ANKS1B: variants seen among roughly 807,000 people sequenced by gnomAD.
ANKS1B encodes the protein ankyrin repeat and sterile alpha motif domain containing 1B, also known as ankyrin repeat and sterile alpha motif domain-containing protein 1B.
ANKS1B carries 36 observed loss-of-function variants against 148.3 expected under a neutral mutation model. The observed-to-expected ratio is 0.24, with a 90% CI of 0.19 to 0.32. The LOEUF (loss-of-function observed/expected upper bound fraction) is 0.32. Among genes scored for constraint, ANKS1B ranks in the 10% least tolerant of loss-of-function variants. ANKS1B has a pLI of 1.00. For missense variants in ANKS1B, 1,157 were observed against 1,542.6 expected (o/e 0.75, Z 4.19); for synonymous variants, 542 against 560.8 (o/e 0.97, Z 0.47).
intron 1 of ANKS1B, among the ~76,000 whole-genome samples, chr12:99,948,848 T>A (rs761872755): frequency 6.6e-6 from 1 of 152,210 alleles, no homozygotes; most frequent in African/African-American, 2.4e-5. Flanking sequence ...ACTGTAAATA[T>A]GTCATTCTTA....
At chr12:99,752,406 A>G (rs2061190338) in intron 8 of ANKS1B, among the ~76,000 whole-genome samples, 2 of 151,982 alleles carry the variant, frequency 1.3e-5, no homozygotes, top group Non-Finnish European at 1.5e-5. Context: ...CAAGCTCCAT[A>G]AAACATGGAA....
chr12:99,893,190 C>A (rs992153501), intron 1 of ANKS1B, among the ~76,000 whole-genome samples: 4 of 152,052 alleles, frequency 2.6e-5, no homozygotes, highest in African/African-American at 9.7e-5. Context: ...GCGGGCAGAT[C>A]ACAAGGTCAG....
intron 1 of ANKS1B, among the ~76,000 whole-genome samples, chr12:99,854,104 T>C (rs893472396): frequency 6.6e-6 from 1 of 152,170 alleles, no homozygotes; most frequent in Non-Finnish European, 1.5e-5. Context: ...CTCCGCCTCC[T>C]GGGTTCACGC....
Position 99,111,548 on chromosome 12 carries a change from A to G in ANKS1B, c.2527-26525T>C, listed in dbSNP as rs1224583926. Among the ~76,000 whole-genome samples, 5 of 151,344 alleles carry G rather than the reference A, an allele frequency of 3.3e-5. No individual in the cohort carries two copies. In the South Asian group the frequency reaches 8.3e-4, roughly 25 times the overall value. ...GTATTTTAAGGTGTTTTTTTTTTTCATAGCCAATACCTAAATGCCACCTTC... is the reference window on the plus strand; with the variant it reads ...GTATTTTAAGGTGTTTTTTTTTTTCGTAGCCAATACCTAAATGCCACCTTC... On this transcript the variant is annotated intron_variant, in intron 15 of 26. Coordinates refer to ENST00000683438, the MANE Select transcript of ANKS1B (RefSeq NM_001352186.2).
chr12:99,601,713 AG>A (rs2097801616), intron 9 of ANKS1B, among the ~76,000 whole-genome samples: 3 of 152,250 alleles, frequency 2.0e-5, no homozygotes, highest in South Asian at 4.2e-4. Flanking sequence ...CAGAGACCCA[AG>A]GGACAACTGT....
chr12:99,430,252 G>A (rs7135282), intron 11 of ANKS1B, among the ~76,000 whole-genome samples: 1,754 of 152,240 alleles, frequency 0.012, 40 homozygotes, highest in African/African-American at 0.037. Flanking sequence ...CAGTAATCAA[G>A]TCAAAAGAAT....
chr12:98,909,827 T>C (rs1256085154), intron 17 of ANKS1B, among the ~76,000 whole-genome samples: 2 of 152,230 alleles, frequency 1.3e-5, no homozygotes, highest in African/African-American at 4.8e-5. Flanking sequence ...TGGTTCTTCA[T>C]TCAGCCAAGT....
chr12:99,971,654 A>C (rs1261697953), intron 1 of ANKS1B, among the ~76,000 whole-genome samples: 2 of 152,126 alleles, frequency 1.3e-5, no homozygotes, highest in East Asian at 3.8e-4. Context: ...ATACTAATTG[A>C]GATCCAGGTA....
intron 4 of ANKS1B, among the ~76,000 whole-genome samples, chr12:99,789,630 A>G (rs2065398266): frequency 6.6e-6 from 1 of 152,196 alleles, no homozygotes; most frequent in Non-Finnish European, 1.5e-5. Context: ...AAAAGAATCA[A>G]GCAAAAGTTC....
chr12:99,159,856 A>C (rs1306093966), intron 14 of ANKS1B, among the ~76,000 whole-genome samples: 1 of 152,202 alleles, frequency 6.6e-6, no homozygotes, highest in Non-Finnish European at 1.5e-5. Flanking sequence ...ACAGTGTATA[A>C]GTGTCCCTTT....
intron 14 of ANKS1B, among the ~76,000 whole-genome samples, chr12:99,218,569 C>A (rs1246337391): frequency 6.6e-6 from 1 of 152,124 alleles, no homozygotes; most frequent in African/African-American, 2.4e-5. Flanking sequence ...GTCCCCAACC[C>A]CCTGGAAAGA....
chr12:99,899,143 C>T (rs2093495426), intron 1 of ANKS1B, among the ~76,000 whole-genome samples: 1 of 152,136 alleles, frequency 6.6e-6, no homozygotes, highest in Admixed American at 6.5e-5. Context: ...TTAATCCTTA[C>T]AGCAGCCCTA....
At chr12:99,231,456 C>T (rs1448450624) in intron 14 of ANKS1B, among the ~76,000 whole-genome samples, 1 of 152,092 alleles carries the variant, frequency 6.6e-6, no homozygotes, top group Non-Finnish European at 1.5e-5. Flanking sequence ...GAGAAGTCAA[C>T]AAGCTACTTA....
chr12:99,779,806 ACT>A, intron 6 of ANKS1B, 63 bp downstream of exon 6: 1 of 1,263,214 alleles, frequency 7.9e-7, no homozygotes, highest in African/African-American at 1.5e-5. Context: ...CCAAAAGAAA[ACT>A]GTAACAGTTT....
At chr12:98,743,230 C>T (rs1258356113), downstream of ANKS1B, among the ~76,000 whole-genome samples, 1 of 152,120 alleles carries the variant, frequency 6.6e-6, no homozygotes, top group Admixed American at 6.5e-5. Context: ...AAACATTGAA[C>T]CAGCAATATT....
At chr12:98,940,645 C>T (rs1188187333) in intron 17 of ANKS1B, among the ~76,000 whole-genome samples, 1 of 152,118 alleles carries the variant, frequency 6.6e-6, no homozygotes, top group African/African-American at 2.4e-5. Context: ...AGATTGGTGT[C>T]TGTACTATTT....
rs142746040 is a variant in ANKS1B, at chr12:99,935,848, G to A, written c.134+48256C>T. ...CAGGATGTGTACCCTATAGGATGAC[G>A]TATTAGTCCATTCTCACATTGCTAT... On this transcript the variant is annotated intron_variant, in intron 1 of 26. Coordinates refer to ENST00000683438, the MANE Select transcript of ANKS1B (RefSeq NM_001352186.2). Among the ~76,000 whole-genome samples, 755 of 151,908 alleles carry A rather than the reference G, an allele frequency of 5.0e-3. 3 individuals are homozygous for A. The highest frequency in any genetic ancestry group is 0.01 in the Middle Eastern group (3 of 294).
intron 16 of ANKS1B, among the ~76,000 whole-genome samples, chr12:99,058,604 G>C (rs2041136342): frequency 6.6e-6 from 1 of 150,766 alleles, no homozygotes; most frequent in African/African-American, 2.4e-5. Context: ...GTATGAGTTT[G>C]ATTTTTGGGG....
chr12:98,813,280 T>C (rs1253706244), intron 19 of ANKS1B, among the ~76,000 whole-genome samples: 1 of 151,376 alleles, frequency 6.6e-6, no homozygotes, highest in Non-Finnish European at 1.5e-5. Flanking sequence ...GGTGCAACCA[T>C]GGCTCACTGC....
Sources: gnomAD v4.1 joint callset for allele counts (sites outside exome capture counted in the v4.1 genomes callset) on GRCh38, gnomAD v4.1.1 for gene constraint, MANE v1.5 for transcripts, NCBI Gene and HGNC (gene_info 2026-07-23, HGNC 2026-07-21) for gene names.